Variants in RIN3 observed in about 807,000 individuals in gnomAD.
RIN3 encodes the protein RAB5 interacting protein 3.
RIN3 carries 54 observed loss-of-function variants against 76.3 expected under a neutral mutation model. The ratio of observed to expected loss-of-function variants is 0.71; its 90% CI spans 0.57 to 0.89. The LOEUF (loss-of-function observed/expected upper bound fraction) is 0.89. RIN3 is among the 40% of genes least tolerant of loss of function. RIN3 has a pLI of 0.00. For synonymous variants in RIN3, 576 were observed against 564.0 expected, an observed-to-expected ratio of 1.02 and a Z score of -0.30; for missense variants, 1,256 against 1,322.1, an observed-to-expected ratio of 0.95 and a Z score of 0.78.
rs1555383857 is a variant in RIN3 at position 92,561,044 on chromosome 14, A to AATATATATATATATATATATATATATAT, written c.249+5101_249+5102insATATATATATATATATATATATATATAT. ...CTAAAAAAAAAAAAAAAAAAAAAAAAATATATATATATCTGCCATATATAT... is the reference window on the plus strand; with the variant it reads ...CTAAAAAAAAAAAAAAAAAAAAAAAAATATATATATATATATATATATATATATATATATATATATCTGCCATATATAT... On this transcript the variant is annotated intron_variant, in intron 2 of 9. Transcript: ENST00000216487. 3.6e-3 allele frequency among the ~76,000 whole-genome samples: 87 copies of AATATATATATATATATATATATATATAT among 24,310 alleles called. 1 individual carries two copies. The highest frequency in any genetic ancestry group is 0.083 in the Middle Eastern group (1 of 12). The allele number at this position is 24,310 out of a possible 152,430, so 15.9% of individuals were successfully genotyped here.
intron 2 of RIN3, among the ~76,000 whole-genome samples, chr14:92,576,766 G>A (rs191372547): frequency 7.9e-5 from 12 of 152,346 alleles, no homozygotes; most frequent in African/African-American, 2.6e-4. Flanking sequence ...AGAGGATAGA[G>A]CAAGTTACTC....
At chr14:92,572,246 G>A (rs1898079092) in intron 2 of RIN3, among the ~76,000 whole-genome samples, 1 of 152,226 alleles carries the variant, frequency 6.6e-6, no homozygotes, top group African/African-American at 2.4e-5. Context: ...GCACTTGGGA[G>A]GGGCCGCATG....
chr14:92,670,929 A>G (rs530087773), intron 7 of RIN3, among the ~76,000 whole-genome samples: 12 of 152,246 alleles, frequency 7.9e-5, no homozygotes, highest in African/African-American at 2.6e-4. Flanking sequence ...TCCTTCAGAG[A>G]GCCAGTTGTT....
chr14:92,581,355 C>A (rs1383852652), intron 3 of RIN3, among the ~76,000 whole-genome samples: 2 of 152,182 alleles, frequency 1.3e-5, no homozygotes, highest in Admixed American at 1.3e-4. Context: ...TGCCACCTGC[C>A]AGTTACCTAC....
chr14:92,531,148 G>T (rs551168454), intron 1 of RIN3, among the ~76,000 whole-genome samples: 1 of 152,128 alleles, frequency 6.6e-6, no homozygotes, highest in Non-Finnish European at 1.5e-5. Flanking sequence ...AGCACCGATG[G>T]GGTGGCTTAC....
At chr14:92,515,518 C>T (rs1470783915) in intron 1 of RIN3, 1 of 470,592 alleles carries the variant, frequency 2.1e-6, no homozygotes, top group Non-Finnish European at 3.7e-6. Flanking sequence ...GTAACTACCC[C>T]TTAGAGTTGT....
intron 7 of RIN3, among the ~76,000 whole-genome samples, chr14:92,667,971 G>GC (rs1888167865): frequency 6.6e-6 from 1 of 152,206 alleles, no homozygotes; most frequent in Non-Finnish European, 1.5e-5. Context: ...TGGAGTGCAG[G>GC]CCCCCTAAGA....
chr14:92,550,195 C>A (rs943281887), intron 1 of RIN3, among the ~76,000 whole-genome samples: 8 of 152,068 alleles, frequency 5.3e-5, no homozygotes, highest in African/African-American at 2.4e-5. Flanking sequence ...TGTGCCTAGT[C>A]CCAAAATCAA....
intron 1 of RIN3, among the ~76,000 whole-genome samples, chr14:92,523,740 G>A (rs1437217491): frequency 1.3e-5 from 2 of 152,162 alleles, no homozygotes; most frequent in African/African-American, 2.4e-5. Context: ...TCAAATCCTT[G>A]TGCTTTGACA....
At chr14:92,676,691 AC>A in intron 8 of RIN3, 85 bp downstream of exon 8, 1 of 1,463,774 alleles carries the variant, frequency 6.8e-7, no homozygotes, top group East Asian at 2.4e-5. Flanking sequence ...CCCAACAAGC[AC>A]CTCCTGGATG....
At chr14:92,683,396 G>A (rs1047020094) in intron 8 of RIN3, among the ~76,000 whole-genome samples, 9 of 152,146 alleles carry the variant, frequency 5.9e-5, no homozygotes, top group Admixed American at 3.3e-4. Context: ...TCTCTAAAAT[G>A]AGGAGCTTAC....
At chr14:92,664,364 C>CTTTCTTTTTT (rs1555392802) in intron 7 of RIN3, among the ~76,000 whole-genome samples, 1 of 84,446 alleles carries the variant, frequency 1.2e-5, no homozygotes, top group African/African-American at 4.0e-5. Flanking sequence ...TTCTTTCTTT[C>CTTTCTTTTTT]TTTTTTTTTT....
intron 4 of RIN3, among the ~76,000 whole-genome samples, chr14:92,619,106 T>C (rs577971947): frequency 6.6e-6 from 1 of 152,302 alleles, no homozygotes; most frequent in East Asian, 1.9e-4. Context: ...GTAACACATA[T>C]TAGTATTATT....
chr14:92,536,739 T>C (rs1897009717), intron 1 of RIN3, among the ~76,000 whole-genome samples: 2 of 72,804 alleles, frequency 2.7e-5, no homozygotes, highest in South Asian at 5.1e-4. Flanking sequence ...AGACTCCGTC[T>C]CAGAAAAAAA....
chr14:92,687,850 G>A (rs1274575846), intron 9 of RIN3, 76 bp from the exon 10 acceptor site: 2 of 1,322,448 alleles, frequency 1.5e-6, no homozygotes, highest in Non-Finnish European at 2.0e-6. Context: ...TCCATCCAGG[G>A]AGGGGCCTGG....
chr14:92,615,361 T>C, intron 3 of RIN3, 46 bp from the exon 4 acceptor site: 2 of 1,546,110 alleles, frequency 1.3e-6, no homozygotes, highest in Non-Finnish European at 1.8e-6. Flanking sequence ...CCATTTTCCT[T>C]GGCAGGATAC....
intron 7 of RIN3, among the ~76,000 whole-genome samples, chr14:92,665,222 A>AT (rs1374432352): frequency 6.6e-6 from 1 of 152,146 alleles, no homozygotes; most frequent in Non-Finnish European, 1.5e-5. Context: ...AGTGGCAACT[A>AT]TTTGTGTATC....
chr14:92,578,665 GT>G (rs2140061119), intron 3 of RIN3, among the ~76,000 whole-genome samples: 1 of 152,280 alleles, frequency 6.6e-6, no homozygotes, highest in East Asian at 1.9e-4. Context: ...ATGCTGATTG[GT>G]TGGGTCAGGG....
chr14:92,672,051 G>T (rs1010735653), intron 7 of RIN3, among the ~76,000 whole-genome samples: 14 of 152,174 alleles, frequency 9.2e-5, no homozygotes, highest in African/African-American at 3.4e-4. Flanking sequence ...ATGGGAAATG[G>T]AGTCTTTATT....
Sources: gnomAD v4.1 joint callset for allele counts (sites outside exome capture counted in the v4.1 genomes callset) on GRCh38, gnomAD v4.1.1 for gene constraint, MANE v1.5 for transcripts, NCBI Gene and HGNC (gene_info 2026-07-23, HGNC 2026-07-21) for gene names.